Variants in SFPQ observed in about 807,000 individuals in gnomAD.
The protein encoded by SFPQ is splicing factor, proline- and glutamine-rich.
SFPQ carries 11 observed loss-of-function variants against 72.9 expected under a neutral mutation model. The observed-to-expected ratio is 0.15, with a 90% CI of 0.09 to 0.25. The LOEUF is 0.25. Among genes scored for constraint, SFPQ ranks in the 10% least tolerant of loss-of-function variants. The pLI, the probability that SFPQ is intolerant of heterozygous loss-of-function variation, is 1.00. For synonymous variants in SFPQ, 506 were observed against 367.3 expected (o/e 1.38, Z -4.32); for missense variants, 847 against 993.3 (o/e 0.85, Z 1.98).
rs757660991 is a variant in SFPQ, at chr1:35,192,804, C to CGGCTGCTGCGGCGGT, written c.231_245dup (p.Gln80_Pro84dup). The CGGCTGCTGCGGCGGT allele has an allele frequency of 6.7e-6, 10 of 1,498,792 alleles. No individual in the cohort carries two copies. The African/African-American group carries it at 1.0e-4, about 15-fold the overall frequency. 92.8% of individuals were successfully genotyped at this position (1,498,792 alleles called of 1,614,324 possible). ...GATGCGGCGGCGGCTGATGCGGTGG[C>CGGCTGCTGCGGCGGT]GGCTGCTGCGGCGGTGGCTGCTGCG... On this transcript the variant is annotated inframe_insertion, in exon 1 of 10. Coordinates refer to ENST00000357214, the MANE Select transcript of SFPQ (RefSeq NM_005066.3).
Position 35,192,029 on chromosome 1 carries a change from CGGGAGAGCAA to C in SFPQ, c.828+183_828+192del, listed in dbSNP as rs1640028207. Among the ~76,000 whole-genome samples, 8 of 151,976 alleles carry C rather than the reference CGGGAGAGCAA, an allele frequency of 5.3e-5. No homozygotes were observed. In the South Asian group the frequency reaches 1.5e-3, roughly 28 times the overall value. ...AAACCTCCCCTAGCCTTCCGCCCGC[CGGGAGAGCAA>C]GGCCCGGCGGCGGCCAATCCCCCGC... On this transcript the variant is annotated intron_variant, in intron 1 of 9. Transcript: ENST00000357214.
chr1:35,182,694 C>T, downstream of SFPQ: 1 of 985,428 alleles, frequency 1.0e-6, no homozygotes, highest in Non-Finnish European at 1.2e-6. Context: ...GAGGAAGACA[C>T]ATTCCATAGT....
At position 35,190,840 on chromosome 1, in the gene SFPQ, A is replaced by G; in HGVS notation, c.1173T>C (p.Phe391=). The G allele has an allele frequency of 6.2e-7, 1 of 1,614,232 alleles. No individual in the cohort carries two copies. The highest frequency in any genetic ancestry group is 8.5e-7 in the Non-Finnish European group (1 of 1,180,052). Residue 391 remains phenylalanine (F), a synonymous_variant, in exon 3 of 10, where the codon TTT becomes TTC. Transcript: ENST00000357214. The part of the protein sequence containing the change: ...YVSNELLEEA[F]SQFGPIERAV... ...CCCTTTCAATAGGACCAAATTGGCT[A>G]AAGGCTTCTTCCAACAGTTCATTGG...
At chr1:35,186,918 AAAAAC>A (rs781669274) in intron 9 of SFPQ, 78 bp downstream of exon 9, 251 of 1,461,550 alleles carry the variant, frequency 1.7e-4, no homozygotes, top group East Asian at 5.1e-4. Flanking sequence ...ACCTACTTAA[AAAAAC>A]AAAACAAAAC....
chr1:35,187,384 A>T, intron 7 of SFPQ, 133 bp from the exon 8 acceptor site: 1 of 882,746 alleles, frequency 1.1e-6, no homozygotes, highest in Non-Finnish European at 1.9e-6. Context: ...ATTATTTTTG[A>T]AATCAATATT....
chr1:35,178,952 T>C (rs1282079853), downstream of SFPQ: 2 of 1,055,678 alleles, frequency 1.9e-6, no homozygotes, highest in African/African-American at 3.3e-5. Context: ...GGTTAATGGT[T>C]TACCAGCAAC....
At chr1:35,188,954 T>G in intron 6 of SFPQ, 49 bp downstream of exon 6, 2 of 1,474,226 alleles carry the variant, frequency 1.4e-6, no homozygotes, top group South Asian at 1.1e-5. Flanking sequence ...GAATGATACG[T>G]TTCAAAGAAA....
Position 35,189,304 on chromosome 1 carries a change from A to G in SFPQ, c.1494T>C (p.Asp498=), listed in dbSNP as rs1283137827. ...GTTCCCTTTGCTGTTTTTCCATTTCATCCAAAGACTTCCATCGCTGAGAAT... is the reference window on the plus strand; with the variant it reads ...GTTCCCTTTGCTGTTTTTCCATTTCGTCCAAAGACTTCCATCGCTGAGAAT... ...YEYSQRWKSL[D]EMEKQQREQV... The change falls in exon 5 of 10, where the codon GAT becomes GAC. Residue 498 remains aspartate, a synonymous_variant. Transcript: ENST00000357214. 3.1e-6 allele frequency: 5 copies of G among 1,613,712 alleles called. No homozygotes were observed. In the Admixed American group the frequency reaches 5.0e-5, roughly 16 times the overall value.
chr1:35,184,079 A>G lies in SFPQ; in HGVS notation c.*377T>C. 1 of 1,100,152 alleles carries G rather than the reference A, an allele frequency of 9.1e-7. No individual in the cohort carries two copies. The highest frequency in any genetic ancestry group is 1.1e-6 in the Non-Finnish European group (1 of 903,400). 68.1% of individuals were successfully genotyped at this position (1,100,152 alleles called of 1,614,324 possible). Reference sequence around the variant, plus strand: ...GCTTTCAATGTGGAATACGTAGCCTAATATGCATAGAAGCATGAATGGCAA... The same window carrying G: ...GCTTTCAATGTGGAATACGTAGCCTGATATGCATAGAAGCATGAATGGCAA... On this transcript the variant is annotated 3_prime_UTR_variant, in exon 10 of 10. Transcript: ENST00000357214.
chr1:35,191,197 A>C (rs1639979137), intron 2 of SFPQ, 144 bp downstream of exon 2: 3 of 839,688 alleles, frequency 3.6e-6, no homozygotes. Flanking sequence ...ATTATACCGC[A>C]AGCATTTTTC....
downstream of SFPQ, chr1:35,179,454 A>T: frequency 9.5e-7 from 1 of 1,056,322 alleles, no homozygotes; most frequent in Non-Finnish European, 1.1e-6. Flanking sequence ...ACACCTCTGA[A>T]CCCAAGACTG....
In SFPQ at chr1:35,192,252, GCCGCCGGGC is replaced by G. The variant is rs778338654; in HGVS notation, c.789_797del (p.Pro264_Gly266del). ...AGTCCGAGATCTTCTCCTCGCTGCGGCCGCCGGGCCCGCCGGGCGGGGGCCCCTGGTGAT... is the reference window on the plus strand; with the variant it reads ...AGTCCGAGATCTTCTCCTCGCTGCGGCCGCCGGGCGGGGGCCCCTGGTGAT... On this transcript the variant is annotated inframe_deletion, in exon 1 of 10. Transcript: ENST00000357214. 2.7e-6 allele frequency: 4 copies of G among 1,463,024 alleles called. No homozygotes were observed. Among genetic ancestry groups the G allele is most frequent in the African/African-American group, 1.5e-5 (1 of 67,700 alleles). The allele number at this position is 1,463,024 out of a possible 1,614,324, so 90.6% of individuals were successfully genotyped here.
In SFPQ at chr1:35,192,652, G is replaced by A; in HGVS notation, c.398C>T (p.Pro133Leu). 1 of 1,385,434 alleles carries A rather than the reference G, an allele frequency of 7.2e-7. No homozygotes were observed. Among genetic ancestry groups the A allele is most frequent in the Non-Finnish European group, 9.3e-7 (1 of 1,079,566 alleles). The allele number at this position is 1,385,434 out of a possible 1,614,324, so 85.8% of individuals were successfully genotyped here. ...GGCCCCCGAGGTTGGTGGAGTGGCGGGCGGGGCCGAGCTGGAGGCTGGTGG... is the reference window on the plus strand; with the variant it reads ...GGCCCCCGAGGTTGGTGGAGTGGCGAGCGGGGCCGAGCTGGAGGCTGGTGG... ...SAPPASSSAP[P>L]ATPPTSGAPP... is the part of the protein sequence containing the mutation. Residue 133 changes from proline (P) to leucine (L), a missense_variant, in exon 1 of 10, where the codon CCC (proline) becomes CTC (leucine). By Grantham distance (98) the Pro-to-Leu change is moderately conservative. Around this residue, in one of 6 missense-constraint regions of SFPQ, gnomAD observed 498 missense variants for 405.1 expected, o/e 1.23. Coordinates refer to ENST00000357214, the MANE Select transcript of SFPQ (RefSeq NM_005066.3).
chr1:35,182,363 C>T (rs1639504438), downstream of SFPQ: 1 of 985,232 alleles, frequency 1.0e-6, no homozygotes, highest in Non-Finnish European at 1.2e-6. Flanking sequence ...ACAAAACTTC[C>T]TCACTGATAT....
chr1:35,182,436 T>C, downstream of SFPQ: 1 of 985,390 alleles, frequency 1.0e-6, no homozygotes, highest in South Asian at 4.7e-5. Context: ...AGCATTACTT[T>C]CTAATGAGAT....
downstream of SFPQ, chr1:35,178,121 A>G (rs1428190453): frequency 6.0e-6 from 7 of 1,174,524 alleles, no homozygotes; most frequent in Non-Finnish European, 7.5e-6. Flanking sequence ...CAAAATTTAA[A>G]GAGTAAAAAT....
At position 35,190,526 on chromosome 1, in the gene SFPQ, G is replaced by T. The variant is rs1228643945; in HGVS notation, c.1387C>A (p.Leu463Ile). 1 of 1,613,482 alleles carries T rather than the reference G, an allele frequency of 6.2e-7. No individual in the cohort carries two copies. Among genetic ancestry groups the T allele is most frequent in the African/African-American group, 1.3e-5 (1 of 74,890 alleles). The part of the protein sequence containing the change: ...LDDEDGLPEK[L>I]AQKNPMYQKE... ...TGATACATTGGATTCTTCTGGGCAA[G>T]TTTTTCAGGAAGACCATCTTCATCA... Residue 463 changes from leucine to isoleucine, a missense_variant, in exon 4 of 10, where the codon CTT (leucine) becomes ATT (isoleucine). By Grantham distance (5) the Leu-to-Ile change is conservative. Coordinates refer to ENST00000357214, the MANE Select transcript of SFPQ (RefSeq NM_005066.3).
chr1:35,181,707 A>G (rs933399099), downstream of SFPQ: 2 of 1,060,942 alleles, frequency 1.9e-6, no homozygotes, highest in Non-Finnish European at 2.3e-6. Context: ...GGTTTCTTTA[A>G]ATGAAAAAAA....
chr1:35,178,877 T>C (rs980824358), downstream of SFPQ: 1 of 1,039,592 alleles, frequency 9.6e-7, no homozygotes, highest in African/African-American at 1.8e-5. Flanking sequence ...CAAGCCCTTT[T>C]CACTCTCAAA....
Sources: allele counts gnomAD v4.1 joint callset (sites outside exome capture counted in the v4.1 genomes callset), GRCh38; gene constraint gnomAD v4.1.1; regional missense constraint gnomAD v4.1.1; transcripts MANE v1.5; gene names NCBI Gene and HGNC (gene_info 2026-07-23, HGNC 2026-07-21).